The following PLK2 variants were observed in gnomAD, a reference collection of about 807,000 sequenced individuals.
PLK2 encodes polo like kinase 2, also known as serine/threonine-protein kinase PLK2.
In PLK2, 25 loss-of-function variants were observed where a neutral mutation model predicts 78.1. That is an observed-to-expected ratio of 0.32 (90% CI 0.23 to 0.45). PLK2 has a LOEUF of 0.45. Among genes scored for constraint, PLK2 ranks in the 20% least tolerant of loss-of-function variants. PLK2 has a pLI of 1.00. For synonymous variants in PLK2, 332 were observed against 298.2 expected (o/e 1.11, Z -1.17); for missense variants, 566 against 840.2 (o/e 0.67, Z 4.04).
At chr5:58,459,420 C>G (rs1350731345) in intron 1 of PLK2, 5 of 566,610 alleles carry the variant, frequency 8.8e-6, no homozygotes, top group Non-Finnish European at 1.5e-5. Context: ...GGAGAGAGGT[C>G]TGATGTAGAA....
intron 12 of PLK2, 37 bp from the exon 13 acceptor site, chr5:58,455,058 AG>A: frequency 7.9e-7 from 1 of 1,272,576 alleles, no homozygotes; most frequent in Non-Finnish European, 1.1e-6. Context: ...GTGCCTACAA[AG>A]ATTTTGTAGC....
In PLK2 at chr5:58,455,344, T is replaced by A. The variant is rs1191749429; in HGVS notation, c.1696A>T (p.Ile566Phe). 1 of 1,613,850 alleles carries A rather than the reference T, an allele frequency of 6.2e-7. No homozygotes were observed. Among genetic ancestry groups the A allele is most frequent in the Non-Finnish European group, 8.5e-7 (1 of 1,179,872 alleles). ...FPATDAPEQFISQVTVLKYFS... is the reference protein window; with the variant it reads ...FPATDAPEQFFSQVTVLKYFS... Reference sequence around the variant, plus strand: ...TATTTCAGCACCGTCACTTGACTAATAAATTGCTCAGGAGCATCTGTTGCT... The same window carrying A: ...TATTTCAGCACCGTCACTTGACTAAAAAATTGCTCAGGAGCATCTGTTGCT... Residue 566 changes from isoleucine (I) to phenylalanine (F), a missense_variant, in exon 12 of 14, where the codon ATT (isoleucine) becomes TTT (phenylalanine). Around this residue, in one of 5 missense-constraint regions of PLK2, gnomAD observed 130 missense variants for 196.4 expected, o/e 0.66. Transcript: ENST00000274289.
chr5:58,457,382 G>A lies in PLK2; in HGVS notation c.810-3C>T. ...GCCTCCCTAGTAACATTGTATACCT[G>A]TGTGCAAAGAAACACATCTTTAGCA... On this transcript the variant is annotated splice_region_variant and splice_polypyrimidine_tract_variant and intron_variant, in intron 6 of 13. Coordinates refer to ENST00000274289, the MANE Select transcript of PLK2 (RefSeq NM_006622.4). 7 of 1,607,578 alleles carry A rather than the reference G, an allele frequency of 4.4e-6. No homozygotes were observed. The highest frequency in any genetic ancestry group is 5.1e-6 in the Non-Finnish European group (6 of 1,174,028).
chr5:58,458,869 T>C, intron 2 of PLK2, 28 bp from the exon 3 acceptor site: 3 of 1,440,876 alleles, frequency 2.1e-6, no homozygotes, highest in Non-Finnish European at 2.9e-6. Flanking sequence ...GTAAGGCTTA[T>C]TAGCTTCCAG....
chr5:58,457,816 T>A, intron 5 of PLK2: 1 of 590,112 alleles, frequency 1.7e-6, no homozygotes, highest in Non-Finnish European at 3.0e-6. Flanking sequence ...ACATGCAAAG[T>A]GTTGTTAACC....
Position 58,457,018 on chromosome 5 carries a change from C to T in PLK2, c.1083G>A (p.Lys361=), listed in dbSNP as rs1285268139. ...VPDFHLSSPA[K]NFFKKAAAAL... ...CAGCAGCTGCTTTCTTAAAGAAATT[C>T]TTAGCTGGGCTTGATAAGTGGAAAT... Residue 361 remains lysine, a synonymous_variant, in exon 8 of 14, where the codon AAG becomes AAA. Transcript: ENST00000274289. 6.2e-7 allele frequency: 1 copy of T among 1,613,484 alleles called. No homozygotes were observed.
At chr5:58,456,198 T>C in intron 9 of PLK2, 43 bp from the exon 10 acceptor site, 1 of 1,582,472 alleles carries the variant, frequency 6.3e-7, no homozygotes, top group Non-Finnish European at 8.6e-7. Flanking sequence ...AGCATCTAAA[T>C]TCATTTAAGG....
chr5:58,457,367 T>C lies in PLK2; in HGVS notation c.822A>G (p.Leu274=). ...WALGCVMYTM[L]LGRPPFETTN... ...TAGTTTCAAATGGGGGCCTCCCTAG[T>C]AACATTGTATACCTGTGTGCAAAGA... Residue 274 remains leucine (L), a synonymous_variant, in exon 7 of 14, where the codon TTA becomes TTG. Coordinates refer to ENST00000274289, the MANE Select transcript of PLK2 (RefSeq NM_006622.4). 6.2e-7 allele frequency: 1 copy of C among 1,611,324 alleles called. No individual in the cohort carries two copies. Among genetic ancestry groups the C allele is most frequent in the Non-Finnish European group, 8.5e-7 (1 of 1,177,360 alleles).
At chr5:58,458,554 G>A (rs763263371) in intron 3 of PLK2, 26 bp from the exon 4 acceptor site, 6 of 1,594,346 alleles carry the variant, frequency 3.8e-6, no homozygotes, top group East Asian at 2.2e-5. Context: ...GGAAAAAAGA[G>A]AATCTGTCAA....
Position 58,455,526 on chromosome 5 carries a change from T to C in PLK2, c.1625+13A>G, listed in dbSNP as rs371387047. The stretch of plus-strand genomic sequence containing the variant: ...TAGAGAACTGACAGGATTTCATTAA[T>C]TGATACACTTACTTTTTGTCTGGAA... On this transcript the variant is annotated intron_variant, in intron 11 of 13. Transcript: ENST00000274289. The C allele has an allele frequency of 2.8e-5, 45 of 1,613,870 alleles. No individual in the cohort carries two copies. The highest frequency in any genetic ancestry group is 4.5e-5 in the East Asian group (2 of 44,896).
At chr5:58,458,704 C>T (rs1317102376) in intron 3 of PLK2, 21 bp downstream of exon 3, 2 of 1,340,106 alleles carry the variant, frequency 1.5e-6, no homozygotes, top group East Asian at 2.3e-5. Flanking sequence ...CAAATGTTCT[C>T]AAATAGGAGT....
chr5:58,455,789 C>CA lies in PLK2; in HGVS notation c.1385-11dup. The CA allele has an allele frequency of 6.2e-7, 1 of 1,611,740 alleles. No homozygotes were observed. The highest frequency in any genetic ancestry group is 1.1e-5 in the South Asian group (1 of 91,054). On this transcript the variant is annotated splice_polypyrimidine_tract_variant and intron_variant, in intron 10 of 13. Transcript: ENST00000274289. ...GTACTGTCTTCAAGGCCTGAAAAGT[C>CA]AGACAGAAATGTTTCAAGTTATACA...
intron 1 of PLK2, 151 bp downstream of exon 1, chr5:58,459,531 CAAAAGCCA>C: frequency 1.6e-6 from 1 of 628,476 alleles, no homozygotes; most frequent in East Asian, 2.9e-5. Flanking sequence ...TGCCGGCGCA[CAAAAGCCA>C]GAGGGCAGGT....
In PLK2 at chr5:58,459,888, C is replaced by G; in HGVS notation, c.72G>C (p.Lys24Asn). ...STKMCEQALGKGCGADSKKKR... is the reference protein window; with the variant it reads ...STKMCEQALGNGCGADSKKKR... ...TCTTCTTCGAGTCCGCTCCGCAACCCTTGCCCAGCGCCTGCTCGCACATTT... is the reference window on the plus strand; with the variant it reads ...TCTTCTTCGAGTCCGCTCCGCAACCGTTGCCCAGCGCCTGCTCGCACATTT... The change falls in exon 1 of 14, where the codon AAG becomes AAC. Residue 24 changes from lysine (K) to asparagine (N), a missense_variant. Physicochemically the swap from Lys to Asn is moderately conservative, Grantham distance 94. This residue lies in a region of PLK2 where 127 missense variants were observed against 122.5 expected (regional missense o/e 1.04). Coordinates refer to ENST00000274289, the MANE Select transcript of PLK2 (RefSeq NM_006622.4). 1 of 1,612,032 alleles carries G rather than the reference C, an allele frequency of 6.2e-7. No individual in the cohort carries two copies.
At position 58,458,454 on chromosome 5, in the gene PLK2, C is replaced by T. The variant is rs1403549740; in HGVS notation, c.570G>A (p.Val190=). 6.2e-7 allele frequency: 1 copy of T among 1,613,232 alleles called. No individual in the cohort carries two copies. Among genetic ancestry groups the T allele is most frequent in the Non-Finnish European group, 8.5e-7 (1 of 1,179,148 alleles). Residue 190 remains valine, a synonymous_variant, in exon 4 of 14, where the codon GTG becomes GTA. Coordinates refer to ENST00000274289, the MANE Select transcript of PLK2 (RefSeq NM_006622.4). ...GTTCATGAAGGTATTTCAGTCCAGA[C>T]ACAATCTGCCTGAGGTAGTATCGAA... ...PEVRYYLRQI[V]SGLKYLHEQE... is the part of the protein sequence containing the mutation.
chr5:58,458,893 G>A (rs762937193), intron 2 of PLK2, 52 bp from the exon 3 acceptor site: 48 of 1,330,522 alleles, frequency 3.6e-5, no homozygotes, highest in Non-Finnish European at 4.9e-5. Flanking sequence ...CCTCGGAAAA[G>A]CCAGTGATTA....
rs1226061821 is a variant in PLK2 at position 58,456,985 on chromosome 5, A to G, written c.1116T>C (p.Phe372=). The change falls in exon 8 of 14, where the codon TTT becomes TTC. Residue 372 remains phenylalanine, a synonymous_variant. Coordinates refer to ENST00000274289, the MANE Select transcript of PLK2 (RefSeq NM_006622.4). ...NFFKKAAAAL[F]GGKKDKARYI... ...ATCTTGCTTTGTCTTTTTTGCCACC[A>G]AAAAGAGCAGCAGCTGCTTTCTTAA... 2 of 1,609,874 alleles carry G rather than the reference A, an allele frequency of 1.2e-6. No individual in the cohort carries two copies. Among genetic ancestry groups the G allele is most frequent in the Non-Finnish European group, 1.7e-6 (2 of 1,177,942 alleles).
Position 58,454,566 on chromosome 5 carries a change from T to C in PLK2, c.*17A>G. ...AGTGGAAAAGAGGAGTCCCATAGGG[T>C]CCATTCGAAAAGTCTTTCAGTTACA... On this transcript the variant is annotated 3_prime_UTR_variant, in exon 14 of 14. Coordinates refer to ENST00000274289, the MANE Select transcript of PLK2 (RefSeq NM_006622.4). 1 of 1,568,232 alleles carries C rather than the reference T, an allele frequency of 6.4e-7. No homozygotes were observed. The highest frequency in any genetic ancestry group is 8.7e-7 in the Non-Finnish European group (1 of 1,144,768).
Position 58,454,375 on chromosome 5 carries a change from C to T in PLK2, c.*208G>A, listed in dbSNP as rs1743543064. 2.3e-6 allele frequency: 1 copy of T among 428,706 alleles called. No individual in the cohort carries two copies. The allele number at this position is 428,706 out of a possible 1,614,324, so 26.6% of individuals were successfully genotyped here. On this transcript the variant is annotated 3_prime_UTR_variant, in exon 14 of 14. Coordinates refer to ENST00000274289, the MANE Select transcript of PLK2 (RefSeq NM_006622.4). The stretch of plus-strand genomic sequence containing the variant: ...AAAACAGGTATCTCAAGGAAAACTG[C>T]ATTCTGGTTCACTCTTGGATTGTCC...
Sources: gnomAD v4.1 joint callset for allele counts on GRCh38, gnomAD v4.1.1 for gene constraint, gnomAD v4.1.1 regional missense constraint, MANE v1.5 for transcripts, NCBI Gene and HGNC (gene_info 2026-07-23, HGNC 2026-07-21) for gene names.